The following GAREM1 variants were observed in gnomAD, a reference collection of about 807,000 sequenced individuals.
GAREM1 encodes the protein GRB2 associated regulator of MAPK1 subtype 1.
In GAREM1, 26 loss-of-function variants were observed where a neutral mutation model predicts 71.3. The ratio of observed to expected loss-of-function variants is 0.36; its 90% CI spans 0.27 to 0.51. The LOEUF is 0.51. Among genes scored for constraint, GAREM1 ranks in the 20% least tolerant of loss-of-function variants. The pLI is 0.95. For missense variants in GAREM1, 1,026 were observed against 1,103.1 expected (o/e 0.93, Z 0.99); for synonymous variants, 440 against 433.2 (o/e 1.02, Z -0.20).
chr18:32,406,158 T>C (rs191517025), intron 1 of GAREM1, among the ~76,000 whole-genome samples: 21 of 152,312 alleles, frequency 1.4e-4, no homozygotes, highest in Admixed American at 5.9e-4. Context: ...AGGGATATAA[T>C]TAAACACTAT....
At chr18:32,340,952 T>C (rs1242397363) in intron 2 of GAREM1, among the ~76,000 whole-genome samples, 3 of 152,096 alleles carry the variant, frequency 2.0e-5, no homozygotes, top group Non-Finnish European at 4.4e-5. Context: ...ATAAAACAAC[T>C]GGATGAAAAA....
chr18:32,355,086 G>A (rs2047790995), intron 2 of GAREM1, among the ~76,000 whole-genome samples: 1 of 152,190 alleles, frequency 6.6e-6, no homozygotes, highest in South Asian at 2.1e-4. Flanking sequence ...TTCAAAGAAT[G>A]TGCTGAGAAT....
chr18:32,344,406 A>C (rs906531874), intron 2 of GAREM1, among the ~76,000 whole-genome samples: 1 of 152,202 alleles, frequency 6.6e-6, no homozygotes, highest in African/African-American at 2.4e-5. Context: ...GCTAAGAGCC[A>C]ATGTGGACAA....
intron 3 of GAREM1, among the ~76,000 whole-genome samples, chr18:32,294,584 A>C (rs2047121706): frequency 6.6e-6 from 1 of 152,230 alleles, no homozygotes; most frequent in Non-Finnish European, 1.5e-5. Flanking sequence ...CCAAAGAGGC[A>C]CATAATTCTC....
intron 1 of GAREM1, among the ~76,000 whole-genome samples, chr18:32,440,246 A>C (rs1451704599): frequency 1.3e-5 from 2 of 152,198 alleles, no homozygotes; most frequent in African/African-American, 4.8e-5. Context: ...TAGCTGAAGA[A>C]AGTGAGGTAC....
chr18:32,420,434 C>T lies in GAREM1; in HGVS notation c.122-27399G>A, dbSNP rs2048508823. The stretch of plus-strand genomic sequence containing the variant: ...CACTATGATTTAAACTCCTACACAT[C>T]TCTACCTCCCGGGATGCATCTAATG... On this transcript the variant is annotated intron_variant, in intron 1 of 5. Transcript: ENST00000269209. Among the ~76,000 whole-genome samples, 6 of 151,910 alleles carry T rather than the reference C, an allele frequency of 3.9e-5. No homozygotes were observed. The South Asian group carries it at 1.2e-3, about 32-fold the overall frequency.
chr18:32,470,400 C>G lies in GAREM1; in HGVS notation c.29G>C (p.Ser10Thr), dbSNP rs761928984. MDPAPSLGCSLKDVKWSSVA... is the reference protein window; with the variant it reads MDPAPSLGCTLKDVKWSSVA... ...CGAGCTCCACTTCACATCCTTGAGG[C>G]TGCAGCCCAGCGAGGGCGCCGGGTC... is the stretch of plus-strand genomic sequence containing the variant. The change falls in exon 1 of 6, where the codon AGC (serine) becomes ACC (threonine). Residue 10 changes from serine (S) to threonine (T), a missense_variant. Physicochemically the swap from Ser to Thr is moderately conservative, Grantham distance 58. Coordinates refer to ENST00000269209, the MANE Select transcript of GAREM1 (RefSeq NM_001242409.2). This position sits in a 1 kb window ranked among gnomAD's most constrained non-coding sequence, Gnocchi z 4.4. The G allele has an allele frequency of 1.9e-6, 3 of 1,542,834 alleles. No homozygotes were observed. Among genetic ancestry groups the G allele is most frequent in the Admixed American group, 1.9e-5 (1 of 52,952 alleles).
At chr18:32,277,759 A>T (rs2041561282) in intron 4 of GAREM1, among the ~76,000 whole-genome samples, 1 of 152,204 alleles carries the variant, frequency 6.6e-6, no homozygotes, top group Non-Finnish European at 1.5e-5. Context: ...CAGGTCAAGG[A>T]TCAGTAATTT....
intron 1 of GAREM1, among the ~76,000 whole-genome samples, chr18:32,418,248 C>A (rs1225345383): frequency 1.3e-5 from 2 of 152,108 alleles, no homozygotes; most frequent in Non-Finnish European, 2.9e-5. Context: ...GTGAGATAGT[C>A]AAAATTAGCG....
chr18:32,287,100 A>G lies in GAREM1; in HGVS notation c.1497T>C (p.Thr499=). 1 of 1,613,978 alleles carries G rather than the reference A, an allele frequency of 6.2e-7. No individual in the cohort carries two copies. Among genetic ancestry groups the G allele is most frequent in the Non-Finnish European group, 8.5e-7 (1 of 1,179,806 alleles). ...CTGAAGACTTCACTGCTGCTCCCAG[A>G]GTCCCAGGGATGGGAAGAGGAGAAG... is the stretch of plus-strand genomic sequence containing the variant. ...CATSPLPIPG[T]LGAAVKSSDT... The change falls in exon 4 of 6, where the codon ACT becomes ACC. Residue 499 remains threonine (T), a synonymous_variant. Transcript: ENST00000269209. The surrounding 1 kb of genome is among the most constrained non-coding windows in gnomAD (Gnocchi z 5.9).
intron 4 of GAREM1, among the ~76,000 whole-genome samples, chr18:32,274,157 C>T (rs1479500472): frequency 2.6e-5 from 4 of 152,144 alleles, no homozygotes; most frequent in South Asian, 4.1e-4. Flanking sequence ...TATTTCTCTG[C>T]ATCTTAAGGG....
chr18:32,391,915 A>G (rs1401973672), intron 2 of GAREM1, among the ~76,000 whole-genome samples: 1 of 152,180 alleles, frequency 6.6e-6, no homozygotes. Flanking sequence ...CAGGAATCAA[A>G]AATGGTACCA....
intron 2 of GAREM1, among the ~76,000 whole-genome samples, chr18:32,364,026 A>ATATATATTT (rs1336753011): frequency 1.1e-4 from 5 of 46,400 alleles, no homozygotes; most frequent in African/African-American, 4.9e-4. Context: ...ATATATATAT[A>ATATATATTT]TGTTTTTTTT....
At chr18:32,354,976 T>C (rs1054558334) in intron 2 of GAREM1, among the ~76,000 whole-genome samples, 1 of 151,818 alleles carries the variant, frequency 6.6e-6, no homozygotes, top group East Asian at 1.9e-4. Context: ...TAGAAATGAG[T>C]GAGGAGGAGA....
At chr18:32,353,983 C>T (rs1044570707) in intron 2 of GAREM1, among the ~76,000 whole-genome samples, 1 of 152,050 alleles carries the variant, frequency 6.6e-6, no homozygotes, top group South Asian at 2.1e-4. Context: ...ATAAAAGATG[C>T]CCTATTGGTA....
chr18:32,412,535 G>A, intron 1 of GAREM1: 2 of 1,597,084 alleles, frequency 1.3e-6, no homozygotes, highest in South Asian at 2.2e-5. Flanking sequence ...GACCGAAGTT[G>A]TCATTCCCAC....
At position 32,412,311 on chromosome 18, in the gene GAREM1, T is replaced by C. The variant is rs115725520; in HGVS notation, c.122-19276A>G. The C allele has an allele frequency of 8.9e-3, 14,163 of 1,593,284 alleles. 96 individuals are homozygous for C. Among genetic ancestry groups the C allele is most frequent in the African/African-American group, 0.022 (1,669 of 74,924 alleles). ...TGCAAAGTACTGGCCTCCACCGCCA[T>C]AGGGGCCAGAGTTTCTGCCTCCAAA... On this transcript the variant is annotated intron_variant, in intron 1 of 5. Transcript: ENST00000269209.
In GAREM1 at chr18:32,287,634, G is replaced by A; in HGVS notation, c.963C>T (p.Thr321=). 4 of 1,614,186 alleles carry A rather than the reference G, an allele frequency of 2.5e-6. No individual in the cohort carries two copies. The highest frequency in any genetic ancestry group is 3.4e-6 in the Non-Finnish European group (4 of 1,180,036). ...AGATACCTAGCCAGTGATGGACCAG[G>A]GTTTCGGGCCAGCTCTCTCCCTTCA... is the stretch of plus-strand genomic sequence containing the variant. ...HLVKGESWPE[T]LVHHWLGICQ... is the part of the protein sequence containing the mutation. The change falls in exon 4 of 6, where the codon ACC becomes ACT. Residue 321 remains threonine (T), a synonymous_variant. Transcript: ENST00000269209. The surrounding 1 kb of genome is among the most constrained non-coding windows in gnomAD (Gnocchi z 5.9).
intron 2 of GAREM1, among the ~76,000 whole-genome samples, chr18:32,370,913 T>G (rs2047971787): frequency 6.6e-6 from 1 of 152,164 alleles, no homozygotes; most frequent in Non-Finnish European, 1.5e-5. Context: ...GTCTGAAAAC[T>G]TACTGTCTTA....
Sources: allele counts gnomAD v4.1 joint callset (sites outside exome capture counted in the v4.1 genomes callset), GRCh38; gene constraint gnomAD v4.1.1; non-coding constraint Gnocchi (gnomAD v3.1); transcripts MANE v1.5; gene names NCBI Gene and HGNC (gene_info 2026-07-23, HGNC 2026-07-21).